The following TRIM33 variants were observed in gnomAD, a reference collection of about 807,000 sequenced individuals.
TRIM33 encodes the protein E3 ubiquitin-protein ligase TRIM33.
Under a neutral mutation model 125.4 loss-of-function variants are expected in TRIM33, and 20 were observed. That is an observed-to-expected ratio of 0.16 (90% CI 0.11 to 0.23). The LOEUF (loss-of-function observed/expected upper bound fraction) is 0.23, where lower values mean the gene tolerates loss of function less well. Ranked by LOEUF, TRIM33 falls within the 10% of genes least tolerant of loss-of-function variation. TRIM33 has a pLI of 1.00. For missense variants in TRIM33, 920 were observed against 1,411.4 expected (o/e 0.65, Z 5.58); for synonymous variants, 564 against 513.9 (o/e 1.10, Z -1.32).
intron 4 of TRIM33, among the ~76,000 whole-genome samples, chr1:114,451,187 G>C (rs1389032664): frequency 6.6e-6 from 1 of 152,024 alleles, no homozygotes; most frequent in African/African-American, 2.4e-5. Flanking sequence ...GTGCCTCTCT[G>C]ATTTTATTTC....
At chr1:114,407,189 T>A in intron 13 of TRIM33, 89 bp from the exon 14 acceptor site, 1 of 1,126,506 alleles carries the variant, frequency 8.9e-7, no homozygotes, top group Non-Finnish European at 1.3e-6. Flanking sequence ...TTCACTAAAG[T>A]GAAGACAATA....
chr1:114,432,216 T>C (rs1351287893), intron 5 of TRIM33, among the ~76,000 whole-genome samples: 1 of 152,176 alleles, frequency 6.6e-6, no homozygotes, highest in Non-Finnish European at 1.5e-5. Flanking sequence ...CTGGAACACG[T>C]GTACAAAATA....
chr1:114,427,309 A>G lies in TRIM33; in HGVS notation c.1303-15T>C. 1 of 1,332,944 alleles carries G rather than the reference A, an allele frequency of 7.5e-7. No individual in the cohort carries two copies. Among genetic ancestry groups the G allele is most frequent in the Non-Finnish European group, 1.1e-6 (1 of 946,294 alleles). 82.6% of individuals were successfully genotyped at this position (1,332,944 alleles called of 1,614,324 possible). A position where few individuals can be genotyped will look rare whatever the true frequency, so the allele number is the denominator to read the frequency against. ...TGGAAAGTAATCTTAAAGGGAAAAAAATCCACATTAGTCTCAAAATTAAAT... is the reference window on the plus strand; with the variant it reads ...TGGAAAGTAATCTTAAAGGGAAAAAGATCCACATTAGTCTCAAAATTAAAT... On this transcript the variant is annotated splice_polypyrimidine_tract_variant and intron_variant, in intron 7 of 19. Coordinates refer to ENST00000358465, the MANE Select transcript of TRIM33 (RefSeq NM_015906.4).
At chr1:114,430,326 C>A (rs1326119413) in intron 6 of TRIM33, among the ~76,000 whole-genome samples, 1 of 152,082 alleles carries the variant, frequency 6.6e-6, no homozygotes, top group Non-Finnish European at 1.5e-5. Flanking sequence ...CTCATTGCAG[C>A]CTTGACCTCC....
At chr1:114,472,197 C>T (rs530066506) in intron 1 of TRIM33, among the ~76,000 whole-genome samples, 1 of 152,084 alleles carries the variant, frequency 6.6e-6, no homozygotes, top group Non-Finnish European at 1.5e-5. Context: ...TGTAACCTGG[C>T]TGCAATTTTC....
At chr1:114,404,875 T>C (rs928210911) in intron 15 of TRIM33, 1 of 151,548 alleles carries the variant, frequency 6.6e-6, no homozygotes, top group South Asian at 2.1e-4. Flanking sequence ...AATACTGACT[T>C]ACTTTCACCA....
At position 114,405,526 on chromosome 1, in the gene TRIM33, GTCA is replaced by G. The variant is rs748989683; in HGVS notation, c.2649_2651del (p.Asp884del). The G allele has an allele frequency of 6.2e-7, 1 of 1,614,180 alleles. No individual in the cohort carries two copies. The highest frequency in any genetic ancestry group is 1.1e-5 in the South Asian group (1 of 91,080). On this transcript the variant is annotated inframe_deletion, in exon 15 of 20. Coordinates refer to ENST00000358465, the MANE Select transcript of TRIM33 (RefSeq NM_015906.4). ...AGACAGCACACCAGTCTTCATTTGGGTCATCATCTTTATTGTTGCCATCTCCTC... is the reference window on the plus strand; with the variant it reads ...AGACAGCACACCAGTCTTCATTTGGGTCATCTTTATTGTTGCCATCTCCTC...
chr1:114,435,083 A>C (rs1440886652), intron 4 of TRIM33, among the ~76,000 whole-genome samples: 1 of 152,250 alleles, frequency 6.6e-6, no homozygotes, highest in African/African-American at 2.4e-5. Flanking sequence ...TGTGCATTTA[A>C]TTCTCTAAGT....
intron 1 of TRIM33, among the ~76,000 whole-genome samples, chr1:114,485,026 T>G (rs1381876213): frequency 6.6e-6 from 1 of 151,696 alleles, no homozygotes; most frequent in Non-Finnish European, 1.5e-5. Flanking sequence ...CACTCCCGCC[T>G]GGGAGACAGA....
rs539491304 is a variant in TRIM33, at chr1:114,425,509, A to G, written c.1635T>C (p.Thr545=). The G allele has an allele frequency of 6.1e-5, 98 of 1,614,058 alleles. No individual in the cohort carries two copies. In the South Asian group the frequency reaches 1.0e-3, roughly 17 times the overall value. ...GATGCTGTTGTGTTGTTGTTGTTGT[A>G]GTTGGTACAGGTGCTGGTGGTTGCT... ...RMQQPPAPVP[T]TTTTTQQHPR... Residue 545 remains threonine (T), a synonymous_variant, in exon 9 of 20, where the codon ACT becomes ACC. Coordinates refer to ENST00000358465, the MANE Select transcript of TRIM33 (RefSeq NM_015906.4).
intron 4 of TRIM33, among the ~76,000 whole-genome samples, chr1:114,460,616 G>T (rs917030054): frequency 2.2e-5 from 3 of 137,024 alleles, no homozygotes; most frequent in Non-Finnish European, 4.6e-5. Context: ...CCTCTCCTAC[G>T]GTGCTGATGT....
chr1:114,445,063 T>A (rs1479309223), intron 4 of TRIM33, among the ~76,000 whole-genome samples: 2 of 152,026 alleles, frequency 1.3e-5, no homozygotes, highest in African/African-American at 2.4e-5. Context: ...TAGCAGCAAA[T>A]GGGAGATGTC....
chr1:114,461,119 G>A (rs1649955281), intron 4 of TRIM33, among the ~76,000 whole-genome samples: 1 of 151,518 alleles, frequency 6.6e-6, no homozygotes. Flanking sequence ...GCTGAGGAGG[G>A]AGGACAGCCT....
intron 11 of TRIM33, among the ~76,000 whole-genome samples, chr1:114,414,210 G>A (rs1239351700): frequency 6.6e-6 from 1 of 151,984 alleles, no homozygotes; most frequent in Non-Finnish European, 1.5e-5. Flanking sequence ...TTTTTTAAAA[G>A]CTACAATGGT....
At chr1:114,504,048 A>C (rs1455636398) in intron 1 of TRIM33, among the ~76,000 whole-genome samples, 1 of 152,196 alleles carries the variant, frequency 6.6e-6, no homozygotes, top group African/African-American at 2.4e-5. Flanking sequence ...TTCATAAAGG[A>C]TATTAAGTGA....
rs759124781 is a variant in TRIM33 at position 114,397,934 on chromosome 1, G to C, written c.3171+6C>G. The C allele has an allele frequency of 6.2e-7, 1 of 1,613,488 alleles. No homozygotes were observed. Among genetic ancestry groups the C allele is most frequent in the Non-Finnish European group, 8.5e-7 (1 of 1,179,866 alleles). ...TCACCAAGTTTGCATGGTCTGAAAAGCTTACCTTCAAATTAATCTCTTGTG... is the reference window on the plus strand; with the variant it reads ...TCACCAAGTTTGCATGGTCTGAAAACCTTACCTTCAAATTAATCTCTTGTG... On this transcript the variant is annotated splice_donor_region_variant and intron_variant, in intron 19 of 19. Transcript: ENST00000358465.
At chr1:114,400,624 C>G (rs1164722885) in intron 17 of TRIM33, among the ~76,000 whole-genome samples, 1 of 152,228 alleles carries the variant, frequency 6.6e-6, no homozygotes, top group African/African-American at 2.4e-5. Flanking sequence ...TTGTACAAAA[C>G]ATCTTCCTTC....
intron 4 of TRIM33, among the ~76,000 whole-genome samples, chr1:114,438,354 TTCAAACA>T (rs1172075323): frequency 6.6e-6 from 1 of 152,210 alleles, no homozygotes; most frequent in Non-Finnish European, 1.5e-5. Flanking sequence ...TACATTAAAT[TTCAAACA>T]TGTATTAGAA....
intron 13 of TRIM33, among the ~76,000 whole-genome samples, chr1:114,408,469 C>T (rs138145755): frequency 6.6e-6 from 1 of 151,766 alleles, no homozygotes; most frequent in Admixed American, 6.6e-5. Context: ...GAAACAGTCA[C>T]GAGTGAAATG....
Sources: gnomAD v4.1 joint callset for allele counts (sites outside exome capture counted in the v4.1 genomes callset) on GRCh38, gnomAD v4.1.1 for gene constraint, MANE v1.5 for transcripts, NCBI Gene and HGNC (gene_info 2026-07-23, HGNC 2026-07-21) for gene names.